The following PELI2 variants were observed in gnomAD, a reference collection of about 807,000 sequenced individuals.
PELI2 encodes the protein E3 ubiquitin-protein ligase pellino homolog 2.
PELI2 carries 23 observed loss-of-function variants against 42.3 expected under a neutral mutation model. That is an observed-to-expected ratio of 0.54 (90% CI 0.39 to 0.77). PELI2 has a LOEUF of 0.77. Ranked by LOEUF, PELI2 falls within the 30% of genes least tolerant of loss-of-function variation. The pLI, the probability that PELI2 is intolerant of heterozygous loss-of-function variation, is 0.00. For missense variants in PELI2, 463 were observed against 553.2 expected (o/e 0.84, Z 1.64); for synonymous variants, 245 against 212.2 (o/e 1.15, Z -1.34).
intron 2 of PELI2, among the ~76,000 whole-genome samples, chr14:56,212,248 A>G (rs1566640129): frequency 6.6e-6 from 1 of 152,254 alleles, no homozygotes; most frequent in Non-Finnish European, 1.5e-5. Context: ...GGTATTGAGC[A>G]TAGCTGGTTT....
chr14:56,211,948 T>C (rs1185030376), intron 2 of PELI2, among the ~76,000 whole-genome samples: 2 of 152,162 alleles, frequency 1.3e-5, no homozygotes, highest in Non-Finnish European at 2.9e-5. Context: ...TGAGGACCAT[T>C]GAAGTAGAAG....
intron 2 of PELI2, among the ~76,000 whole-genome samples, chr14:56,194,125 A>G (rs146323772): frequency 6.6e-6 from 1 of 152,286 alleles, no homozygotes; most frequent in Non-Finnish European, 1.5e-5. Context: ...GCACTGATAA[A>G]AATGCAGCTG....
chr14:56,235,264 G>C (rs187775774), intron 2 of PELI2, among the ~76,000 whole-genome samples: 176 of 152,198 alleles, frequency 1.2e-3, no homozygotes, highest in Non-Finnish European at 2.1e-3. Context: ...TTACCTGCTA[G>C]AGAAGTAAAT....
chr14:56,273,628 G>A lies in PELI2; in HGVS notation c.208-6048G>A, dbSNP rs572230081. Among the ~76,000 whole-genome samples, 22 of 152,268 alleles carry A rather than the reference G, an allele frequency of 1.4e-4. 1 individual carries two copies. The South Asian group carries it at 3.5e-3, about 24-fold the overall frequency. On this transcript the variant is annotated intron_variant, in intron 2 of 5. Coordinates refer to ENST00000267460, the MANE Select transcript of PELI2 (RefSeq NM_021255.3). The surrounding 1 kb of genome is among the most constrained non-coding windows in gnomAD (Gnocchi z 4.3). ...TGCCTTAATACAGTGAAATCAGCCC[G>A]GCTTTGACTCCCTATTGGATTAATT...
At chr14:56,127,210 C>T (rs1254613811) in intron 1 of PELI2, among the ~76,000 whole-genome samples, 1 of 152,198 alleles carries the variant, frequency 6.6e-6, no homozygotes, top group East Asian at 1.9e-4. Flanking sequence ...GAGAACCATG[C>T]TTCTGGCAGA....
intron 2 of PELI2, among the ~76,000 whole-genome samples, chr14:56,221,531 G>A (rs1887132774): frequency 6.6e-6 from 1 of 152,242 alleles, no homozygotes; most frequent in Admixed American, 6.5e-5. Context: ...GGAAATGAGT[G>A]TCTTCTCTAA....
chr14:56,288,634 A>C lies in PELI2; in HGVS notation c.507A>C (p.Gly169=). 6.2e-7 allele frequency: 1 copy of C among 1,604,352 alleles called. No individual in the cohort carries two copies. The highest frequency in any genetic ancestry group is 1.1e-5 in the South Asian group (1 of 90,320). The change falls in exon 4 of 6, where the codon GGA becomes GGC. Residue 169 remains glycine (G), a splice_region_variant and synonymous_variant. Coordinates refer to ENST00000267460, the MANE Select transcript of PELI2 (RefSeq NM_021255.3). The surrounding 1 kb of genome is among the most constrained non-coding windows in gnomAD (Gnocchi z 4.6). ...ACTCTTCCAAAAACATATTTCTTGG[A>C]GTAAGTACTGTCAAGAAGTACACGA... ...GFDSSKNIFL[G]EKAAKWKNPD...
At chr14:56,264,401 T>C (rs1371540874) in intron 2 of PELI2, among the ~76,000 whole-genome samples, 1 of 152,160 alleles carries the variant, frequency 6.6e-6, no homozygotes, top group Non-Finnish European at 1.5e-5. Flanking sequence ...TCAGTGTTAA[T>C]GAATTAACAA....
At chr14:56,275,408 A>G (rs1889256486) in intron 2 of PELI2, among the ~76,000 whole-genome samples, 1 of 152,196 alleles carries the variant, frequency 6.6e-6, no homozygotes, top group Non-Finnish European at 1.5e-5. Context: ...ATTTCATTGT[A>G]ATATATAACT....
rs372075630 is a variant in PELI2, at chr14:56,244,981, T to C, written c.208-34695T>C. ...ACTAAGATCTGACTGTTTACTAGCA[T>C]GTATGATTTTCATCAAGGAAGCATA... On this transcript the variant is annotated intron_variant, in intron 2 of 5. Coordinates refer to ENST00000267460, the MANE Select transcript of PELI2 (RefSeq NM_021255.3). 1.3e-4 allele frequency among the ~76,000 whole-genome samples: 20 copies of C among 152,336 alleles called. No individual in the cohort carries two copies. In the East Asian group the frequency reaches 3.7e-3, roughly 28 times the overall value.
At chr14:56,213,018 T>G (rs894292608) in intron 2 of PELI2, among the ~76,000 whole-genome samples, 1 of 152,220 alleles carries the variant, frequency 6.6e-6, no homozygotes, top group African/African-American at 2.4e-5. Context: ...GGCTTAGAAG[T>G]GGATGGCAGG....
chr14:56,263,336 G>A (rs950268487), intron 2 of PELI2, among the ~76,000 whole-genome samples: 10 of 152,104 alleles, frequency 6.6e-5, no homozygotes, highest in African/African-American at 2.4e-4. Flanking sequence ...AAATATGCAA[G>A]AATGCAGGAT....
intron 2 of PELI2, among the ~76,000 whole-genome samples, chr14:56,182,957 G>C (rs1486682601): frequency 6.6e-6 from 1 of 152,042 alleles, no homozygotes; most frequent in Non-Finnish European, 1.5e-5. Flanking sequence ...GATGGAGCTG[G>C]GGCCTCGGTG....
rs1889196243 is a variant in PELI2 at position 56,273,961 on chromosome 14, C to G, written c.208-5715C>G. ...CTTCTGTGAGAGTCTTTTGACCTTC[C>G]TCTCACGTTGCAAGGTGGTCTACTT... is the stretch of plus-strand genomic sequence containing the variant. On this transcript the variant is annotated intron_variant, in intron 2 of 5. Coordinates refer to ENST00000267460, the MANE Select transcript of PELI2 (RefSeq NM_021255.3). The surrounding 1 kb of genome is among the most constrained non-coding windows in gnomAD (Gnocchi z 4.3). Among the ~76,000 whole-genome samples, 1 of 152,150 alleles carries G rather than the reference C, an allele frequency of 6.6e-6. No homozygotes were observed. Among genetic ancestry groups the G allele is most frequent in the South Asian group, 2.1e-4 (1 of 4,818 alleles).
rs148385989 is a variant in PELI2, at chr14:56,243,502, A to G, written c.208-36174A>G. ...CACAACTCAGTTTCTCTATCTGTGA[A>G]ATGGGGATAATACTACCTCCTTCTA... On this transcript the variant is annotated intron_variant, in intron 2 of 5. Transcript: ENST00000267460. 7.6e-3 allele frequency among the ~76,000 whole-genome samples: 1,158 copies of G among 152,294 alleles called. 14 individuals carry two copies. The highest frequency in any genetic ancestry group is 0.027 in the African/African-American group (1,103 of 41,560).
chr14:56,182,941 G>C (rs1885638435), intron 2 of PELI2, among the ~76,000 whole-genome samples: 2 of 152,078 alleles, frequency 1.3e-5, no homozygotes, highest in South Asian at 4.2e-4. Context: ...TCTCCTGCAC[G>C]TTCATGATGG....
At chr14:56,133,678 C>G (rs1280188534) in intron 1 of PELI2, among the ~76,000 whole-genome samples, 1 of 152,212 alleles carries the variant, frequency 6.6e-6, no homozygotes, top group Non-Finnish European at 1.5e-5. Flanking sequence ...ACAACCTGCT[C>G]AACTGATAGG....
intron 5 of PELI2, among the ~76,000 whole-genome samples, chr14:56,293,358 A>G (rs577330101): frequency 6.6e-6 from 1 of 152,290 alleles, no homozygotes; most frequent in South Asian, 2.1e-4. Context: ...CATGCCTACT[A>G]ATGATTGCTA....
chr14:56,185,056 A>AT (rs145854202), intron 2 of PELI2, among the ~76,000 whole-genome samples: 19,972 of 151,926 alleles, frequency 0.13, 1,499 homozygotes, highest in Middle Eastern at 0.17. Context: ...TTATATGGCT[A>AT]TTTTTTTATT....
Sources: gnomAD v4.1 joint callset for allele counts (sites outside exome capture counted in the v4.1 genomes callset) on GRCh38, gnomAD v4.1.1 for gene constraint, Gnocchi (gnomAD v3.1) non-coding constraint, MANE v1.5 for transcripts, NCBI Gene and HGNC (gene_info 2026-07-23, HGNC 2026-07-21) for gene names.